Variants in ZC3H7B observed in about 807,000 individuals in gnomAD.
ZC3H7B encodes the protein zinc finger CCCH domain-containing protein 7B.
ZC3H7B carries 35 observed loss-of-function variants against 116.0 expected under a neutral mutation model. The observed-to-expected ratio is 0.30, with a 90% CI of 0.23 to 0.40. The LOEUF (loss-of-function observed/expected upper bound fraction) is 0.40, where lower values mean the gene tolerates loss of function less well. ZC3H7B is among the 10% of genes least tolerant of loss of function. ZC3H7B has a pLI of 1.00. For missense variants in ZC3H7B, 1,011 were observed against 1,321.5 expected, an observed-to-expected ratio of 0.77 and a Z score of 3.64; for synonymous variants, 502 against 545.6, an observed-to-expected ratio of 0.92 and a Z score of 1.11.
chr22:41,338,457 C>T lies in ZC3H7B; in HGVS notation c.625+102C>T, dbSNP rs1263834458. On this transcript the variant is annotated intron_variant, in intron 8 of 22. Coordinates refer to ENST00000352645, the MANE Select transcript of ZC3H7B (RefSeq NM_017590.6). This position sits in a 1 kb window ranked among gnomAD's most constrained non-coding sequence, Gnocchi z 4.5. The stretch of plus-strand genomic sequence containing the variant: ...CCAGCCCTGTAGATGGGAGGGCCTC[C>T]GAGGGGTTCCCCACCCTGGTACTCC... 20 of 1,269,616 alleles carry T rather than the reference C, an allele frequency of 1.6e-5. No individual in the cohort carries two copies. The highest frequency in any genetic ancestry group is 9.1e-5 in the South Asian group (7 of 77,042). 78.6% of individuals were successfully genotyped at this position (1,269,616 alleles called of 1,614,324 possible).
rs2145921268 is a variant in ZC3H7B, at chr22:41,332,191, G to T, written c.546G>T (p.Leu182=). The part of the protein sequence containing the change: ...KRPQELETFS[L]LSNGTAAGVA... ...GGCAGGAATTGGAAACCTTTTCTCTGCTCAGTAACGGCACTGCGGCTGGCG... is the reference window on the plus strand; with the variant it reads ...GGCAGGAATTGGAAACCTTTTCTCTTCTCAGTAACGGCACTGCGGCTGGCG... Residue 182 remains leucine, a synonymous_variant, in exon 7 of 23, where the codon CTG becomes CTT. Transcript: ENST00000352645. 6 of 1,614,178 alleles carry T rather than the reference G, an allele frequency of 3.7e-6. No individual in the cohort carries two copies. Among genetic ancestry groups the T allele is most frequent in the Non-Finnish European group, 5.1e-6 (6 of 1,180,018 alleles).
At chr22:41,335,750 T>C (rs2036437659) in intron 7 of ZC3H7B, 1 of 152,974 alleles carries the variant, frequency 6.5e-6, no homozygotes, top group Admixed American at 6.5e-5. Flanking sequence ...TTGGTGCAGG[T>C]ATGGATGGGG....
intron 1 of ZC3H7B, among the ~76,000 whole-genome samples, chr22:41,320,223 C>T (rs1283997868): frequency 6.6e-6 from 1 of 151,562 alleles, no homozygotes; most frequent in Non-Finnish European, 1.5e-5. Context: ...ATCCCAGCTA[C>T]TCGGGAGGCT....
chr22:41,314,598 T>C (rs2036157368), intron 1 of ZC3H7B, among the ~76,000 whole-genome samples: 2 of 150,836 alleles, frequency 1.3e-5, no homozygotes, highest in Non-Finnish European at 3.0e-5. Flanking sequence ...ATAATCATCA[T>C]TATTATTTTT....
intron 16 of ZC3H7B, among the ~76,000 whole-genome samples, chr22:41,350,849 C>A (rs527930116): frequency 2.0e-5 from 3 of 152,054 alleles, no homozygotes; most frequent in Non-Finnish European, 4.4e-5. Flanking sequence ...GTGTCTTGCC[C>A]CAAGTAAGCA....
intron 9 of ZC3H7B, among the ~76,000 whole-genome samples, chr22:41,339,454 C>G (rs2036489105): frequency 6.6e-6 from 1 of 152,028 alleles, no homozygotes; most frequent in Non-Finnish European, 1.5e-5. Context: ...GGTGAAACCC[C>G]CTCTCTACTA....
In ZC3H7B at chr22:41,327,085, C is replaced by T; in HGVS notation, c.286-121C>T. 1.4e-6 allele frequency: 2 copies of T among 1,429,314 alleles called. No homozygotes were observed. The highest frequency in any genetic ancestry group is 2.7e-5 in the South Asian group (2 of 74,660). The allele number at this position is 1,429,314 out of a possible 1,614,324, so 88.5% of individuals were successfully genotyped here. A position where few individuals can be genotyped will look rare whatever the true frequency, so the allele number is the denominator to read the frequency against. On this transcript the variant is annotated intron_variant, in intron 4 of 22. Transcript: ENST00000352645. The surrounding 1 kb of genome is among the most constrained non-coding windows in gnomAD (Gnocchi z 4.5). The stretch of plus-strand genomic sequence containing the variant: ...CTCGAGCCCTGTCCCTGACCCAAGA[C>T]TTCAGCTCCTCTGTCTCTGCCAGGA...
chr22:41,357,199 C>G lies in ZC3H7B; in HGVS notation c.2704C>G (p.Pro902Ala). 1 of 1,613,454 alleles carries G rather than the reference C, an allele frequency of 6.2e-7. No individual in the cohort carries two copies. Among genetic ancestry groups the G allele is most frequent in the Non-Finnish European group, 8.5e-7 (1 of 1,179,930 alleles). Residue 902 changes from proline to alanine, a missense_variant, in exon 23 of 23, where the codon CCA becomes GCA. Pro to Ala is a conservative substitution (Grantham distance 27). Around this residue, in one of 5 missense-constraint regions of ZC3H7B, gnomAD observed 406 missense variants for 590.2 expected, o/e 0.69. Coordinates refer to ENST00000352645, the MANE Select transcript of ZC3H7B (RefSeq NM_017590.6). The surrounding 1 kb of genome is among the most constrained non-coding windows in gnomAD (Gnocchi z 5.4). ...CAGGCTCCAGAAGGGCAAAGCCTGCCCAGATGGGGACAAGTGCCGCTGCGC... is the reference window on the plus strand; with the variant it reads ...CAGGCTCCAGAAGGGCAAAGCCTGCGCAGATGGGGACAAGTGCCGCTGCGC... Reference protein sequence around the residue: ...CDRLQKGKACPDGDKCRCAHG... With the variant: ...CDRLQKGKACADGDKCRCAHG...
chr22:41,340,789 TG>T (rs2145929958), intron 10 of ZC3H7B, among the ~76,000 whole-genome samples: 1 of 152,156 alleles, frequency 6.6e-6, no homozygotes, highest in South Asian at 2.1e-4. Context: ...GCGGAGCAGC[TG>T]GGGTGGGGGC....
intron 4 of ZC3H7B, among the ~76,000 whole-genome samples, chr22:41,326,571 C>T (rs1365164064): frequency 6.6e-6 from 1 of 152,164 alleles, no homozygotes; most frequent in Non-Finnish European, 1.5e-5. Flanking sequence ...ACTGTTTCTC[C>T]CATAGCCTCA....
intron 14 of ZC3H7B, among the ~76,000 whole-genome samples, chr22:41,347,546 G>A (rs979075793): frequency 6.6e-6 from 1 of 152,210 alleles, no homozygotes; most frequent in Admixed American, 6.5e-5. Context: ...CCCAGTCATA[G>A]CATGTTGAGG....
intron 7 of ZC3H7B, chr22:41,334,199 A>T (rs1295712556): frequency 6.6e-6 from 1 of 152,268 alleles, no homozygotes. Flanking sequence ...GAAGGTATTT[A>T]TTGAGCACTG....
At chr22:41,345,967 G>A (rs745555130) in intron 13 of ZC3H7B, 36 bp from the exon 14 acceptor site, 16 of 1,611,172 alleles carry the variant, frequency 9.9e-6, no homozygotes, top group Admixed American at 6.7e-5. Context: ...TGCTATCCCC[G>A]CCTGGCGGAA....
intron 12 of ZC3H7B, 28 bp from the exon 13 acceptor site, chr22:41,343,386 AT>A: frequency 6.3e-7 from 1 of 1,586,090 alleles, no homozygotes; most frequent in Non-Finnish European, 8.6e-7. Flanking sequence ...TGCTTCCGGA[AT>A]TATCATGTGT....
chr22:41,344,346 G>A (rs1233228877), intron 13 of ZC3H7B, among the ~76,000 whole-genome samples: 2 of 152,114 alleles, frequency 1.3e-5, no homozygotes, highest in Admixed American at 1.3e-4. Context: ...TGTCACTCTT[G>A]GGTCAAAGGC....
intron 1 of ZC3H7B, among the ~76,000 whole-genome samples, chr22:41,314,454 A>G (rs2036155529): frequency 6.7e-6 from 1 of 149,504 alleles, no homozygotes. Flanking sequence ...ACTGCGCCCA[A>G]CCTATTTTTT....
rs1198261376 is a variant in ZC3H7B, at chr22:41,357,457, C to T, written c.*28C>T. The T allele has an allele frequency of 2.2e-6, 3 of 1,366,752 alleles. No individual in the cohort carries two copies. In the South Asian group the frequency reaches 3.4e-5, roughly 16 times the overall value. The allele number at this position is 1,366,752 out of a possible 1,614,324, so 84.7% of individuals were successfully genotyped here. A position where few individuals can be genotyped will look rare whatever the true frequency, so the allele number is the denominator to read the frequency against. ...CCAGGTGTTGGCCGTGGGTGAAGTC[C>T]TGGGGTCAGGGGGTGGGGTGGGGCC... is the stretch of plus-strand genomic sequence containing the variant. On this transcript the variant is annotated 3_prime_UTR_variant, in exon 23 of 23. Coordinates refer to ENST00000352645, the MANE Select transcript of ZC3H7B (RefSeq NM_017590.6). This position sits in a 1 kb window ranked among gnomAD's most constrained non-coding sequence, Gnocchi z 5.4.
intron 9 of ZC3H7B, among the ~76,000 whole-genome samples, chr22:41,339,559 G>T (rs553233570): frequency 2.4e-4 from 36 of 151,600 alleles, no homozygotes; most frequent in African/African-American, 8.7e-4. Flanking sequence ...CCGGGAGGCG[G>T]AGGTTGCAGT....
chr22:41,316,074 A>G (rs971396042), intron 1 of ZC3H7B, among the ~76,000 whole-genome samples: 4 of 150,612 alleles, frequency 2.7e-5, no homozygotes, highest in African/African-American at 7.4e-5. Flanking sequence ...GCTCACCACA[A>G]CCTCCACCTC....
Sources: gnomAD v4.1 joint callset for allele counts (sites outside exome capture counted in the v4.1 genomes callset) on GRCh38, gnomAD v4.1.1 for gene constraint, gnomAD v4.1.1 regional missense constraint, Gnocchi (gnomAD v3.1) non-coding constraint, MANE v1.5 for transcripts, NCBI Gene and HGNC (gene_info 2026-07-23, HGNC 2026-07-21) for gene names.